Variants in TMEM154 observed in about 807,000 individuals in gnomAD.
TMEM154 encodes the protein transmembrane protein 154.
In TMEM154, 27 loss-of-function variants were observed where a neutral mutation model predicts 24.5. The observed-to-expected ratio is 1.10, with a 90% CI of 0.81 to 1.52. The LOEUF (loss-of-function observed/expected upper bound fraction) is 1.52. Among genes scored for constraint, TMEM154 ranks in the 40% most tolerant of loss-of-function variants. TMEM154 has a pLI of 0.00. For synonymous variants in TMEM154, 67 were observed against 76.8 expected, an observed-to-expected ratio of 0.87 and a Z score of 0.67; for missense variants, 228 against 213.4, an observed-to-expected ratio of 1.07 and a Z score of -0.43.
intron 1 of TMEM154, among the ~76,000 whole-genome samples, chr4:152,655,586 T>C (rs534724221): frequency 1.3e-5 from 2 of 152,248 alleles, no homozygotes; most frequent in African/African-American, 4.8e-5. Context: ...TGCTGGCTGC[T>C]GCTGCCAGGG....
chr4:152,641,237 G>T (rs899505501), intron 5 of TMEM154: 2 of 438,694 alleles, frequency 4.6e-6, no homozygotes, highest in Non-Finnish European at 8.0e-6. Flanking sequence ...ATCACTGCTT[G>T]GTTATTCTGT....
At chr4:152,674,404 G>A (rs1468517483) in intron 1 of TMEM154, among the ~76,000 whole-genome samples, 1 of 152,210 alleles carries the variant, frequency 6.6e-6, no homozygotes, top group Non-Finnish European at 1.5e-5. Context: ...CCTGACACCT[G>A]TGGAACCTGG....
chr4:152,669,448 A>C (rs1339538899), intron 1 of TMEM154: 1 of 152,190 alleles, frequency 6.6e-6, no homozygotes, highest in Non-Finnish European at 1.5e-5. Flanking sequence ...TACATGTCCC[A>C]TGTAATATTT....
rs1204675494 is a variant in TMEM154 at position 152,619,005 on chromosome 4, G to C, written c.*9541C>G. ...AAGGAAAGATGATATGTAACTCCTA[G>C]CTCATTAAATAATTGGTTTTTCTGT... On this transcript the variant is annotated 3_prime_UTR_variant, in exon 7 of 7. Coordinates refer to ENST00000304385, the MANE Select transcript of TMEM154 (RefSeq NM_152680.3). The C allele has an allele frequency of 6.6e-6, 1 of 152,188 alleles. No individual in the cohort carries two copies. The highest frequency in any genetic ancestry group is 1.5e-5 in the Non-Finnish European group (1 of 68,044). 9.4% of individuals were successfully genotyped at this position (152,188 alleles called of 1,614,324 possible). A position where few individuals can be genotyped will look rare whatever the true frequency, so the allele number is the denominator to read the frequency against.
At chr4:152,640,860 C>G in intron 6 of TMEM154, 68 bp downstream of exon 6, 1 of 1,376,808 alleles carries the variant, frequency 7.3e-7, no homozygotes, top group Non-Finnish European at 1.0e-6. Flanking sequence ...AAAAAGTGTT[C>G]CACCCTGGTT....
intron 1 of TMEM154, 149 bp from the exon 2 acceptor site, chr4:152,653,076 T>C (rs761371443): frequency 1.1e-4 from 86 of 752,520 alleles, no homozygotes; most frequent in Admixed American, 5.2e-4. Context: ...CACAGAACAT[T>C]GATTTAACAT....
chr4:152,671,837 T>C (rs1412356294), intron 1 of TMEM154, among the ~76,000 whole-genome samples: 1 of 150,104 alleles, frequency 6.7e-6, no homozygotes, highest in Non-Finnish European at 1.5e-5. Flanking sequence ...ATGAGTATTG[T>C]TTTGGAACTG....
rs1751898037 is a variant in TMEM154 at position 152,625,195 on chromosome 4, G to C, written c.*3351C>G. The C allele has an allele frequency of 6.6e-6, 1 of 152,262 alleles. No individual in the cohort carries two copies. The highest frequency in any genetic ancestry group is 2.4e-5 in the African/African-American group (1 of 41,464). The allele number at this position is 152,262 out of a possible 1,614,324, so 9.4% of individuals were successfully genotyped here. A position where few individuals can be genotyped will look rare whatever the true frequency, so the allele number is the denominator to read the frequency against. The stretch of plus-strand genomic sequence containing the variant: ...CCATTTCCATTGCTAGAGCTGCGGT[G>C]ATCAGCAGAAGCATCTGCCTGGCTG... On this transcript the variant is annotated 3_prime_UTR_variant, in exon 7 of 7. Transcript: ENST00000304385.
At chr4:152,664,458 G>A (rs1728677661) in intron 1 of TMEM154, among the ~76,000 whole-genome samples, 1 of 152,128 alleles carries the variant, frequency 6.6e-6, no homozygotes, top group African/African-American at 2.4e-5. Context: ...TGGGTTGATA[G>A]GTGTAGCAAA....
At position 152,628,265 on chromosome 4, in the gene TMEM154, G is replaced by T. The variant is rs998165253; in HGVS notation, c.*281C>A. 7.7e-6 allele frequency: 4 copies of T among 519,738 alleles called. No homozygotes were observed. The highest frequency in any genetic ancestry group is 1.3e-5 in the Non-Finnish European group (4 of 297,128). 32.2% of individuals were successfully genotyped at this position (519,738 alleles called of 1,614,324 possible). ...AGTTGGCTGAGAGGAGGCAACACAT[G>T]TTGATCAGAAGTGAGCACATCACCC... On this transcript the variant is annotated 3_prime_UTR_variant, in exon 7 of 7. Transcript: ENST00000304385.
intron 6 of TMEM154, among the ~76,000 whole-genome samples, chr4:152,630,892 C>T (rs1200360310): frequency 1.3e-5 from 2 of 152,186 alleles, no homozygotes; most frequent in Non-Finnish European, 2.9e-5. Flanking sequence ...TTTTCTCACT[C>T]TCATTCACAT....
chr4:152,629,345 G>A (rs1478238975), intron 6 of TMEM154, among the ~76,000 whole-genome samples: 1 of 152,214 alleles, frequency 6.6e-6, no homozygotes, highest in African/African-American at 2.4e-5. Flanking sequence ...AGGAGCTGAA[G>A]GGGCCTTCTC....
At chr4:152,628,955 T>C (rs1486640016) in intron 6 of TMEM154, among the ~76,000 whole-genome samples, 2 of 152,022 alleles carry the variant, frequency 1.3e-5, no homozygotes, top group Admixed American at 6.6e-5. Context: ...AACAGTAACA[T>C]ATCTCTAAGA....
At chr4:152,649,607 A>G (rs1048952408) in intron 3 of TMEM154, among the ~76,000 whole-genome samples, 5 of 152,230 alleles carry the variant, frequency 3.3e-5, no homozygotes, top group Non-Finnish European at 7.3e-5. Flanking sequence ...TAACAGAAAT[A>G]TAGATGAAAG....
intron 3 of TMEM154, chr4:152,646,838 G>C: frequency 6.1e-6 from 4 of 652,566 alleles, no homozygotes; most frequent in Non-Finnish European, 8.3e-6. Context: ...CAGTGAGCAA[G>C]AGAAAGAGTC....
chr4:152,667,474 A>G (rs939789788), intron 1 of TMEM154, among the ~76,000 whole-genome samples: 1 of 152,174 alleles, frequency 6.6e-6, no homozygotes, highest in African/African-American at 2.4e-5. Flanking sequence ...CCCCCACGTA[A>G]AGGTCAGGTG....
At chr4:152,652,407 G>T in intron 3 of TMEM154, 131 bp downstream of exon 3, 1 of 1,393,294 alleles carries the variant, frequency 7.2e-7, no homozygotes. Flanking sequence ...ATTCACTTCT[G>T]GAAAATTTCA....
At position 152,659,364 on chromosome 4, in the gene TMEM154, G is replaced by A. The variant is rs537672611; in HGVS notation, c.65-6437C>T. On this transcript the variant is annotated intron_variant, in intron 1 of 6. Coordinates refer to ENST00000304385, the MANE Select transcript of TMEM154 (RefSeq NM_152680.3). ...TTATAAATATCAGAGGCTGGGAAGG[G>A]TGTGTGGGTAAGAGTAGGGGAAGAA... is the stretch of plus-strand genomic sequence containing the variant. Among the ~76,000 whole-genome samples the A allele has an allele frequency of 3.3e-5, 5 of 152,278 alleles. No individual in the cohort carries two copies. In the South Asian group the frequency reaches 6.2e-4, roughly 19 times the overall value.
chr4:152,647,529 T>C (rs1728280764), intron 3 of TMEM154, among the ~76,000 whole-genome samples: 1 of 152,274 alleles, frequency 6.6e-6, no homozygotes, highest in African/African-American at 2.4e-5. Context: ...AAATGCTAAG[T>C]TTTCTCTGTT....
Sources: gnomAD v4.1 joint callset for allele counts (sites outside exome capture counted in the v4.1 genomes callset) on GRCh38, gnomAD v4.1.1 for gene constraint, MANE v1.5 for transcripts, NCBI Gene and HGNC (gene_info 2026-07-23, HGNC 2026-07-21) for gene names.